The following NEO1 variants were observed in gnomAD, a reference collection of about 807,000 sequenced individuals.
NEO1 encodes neogenin 1.
NEO1 carries 63 observed loss-of-function variants against 159.7 expected under a neutral mutation model. That is an observed-to-expected ratio of 0.39 (90% confidence interval 0.32 to 0.49). The LOEUF is 0.49. Ranked by LOEUF, NEO1 falls within the 20% of genes least tolerant of loss-of-function variation. The pLI is 0.85. For missense variants in NEO1, 1,615 were observed against 1,831.0 expected, an observed-to-expected ratio of 0.88 and a Z score of 2.15; for synonymous variants, 633 against 662.0, an observed-to-expected ratio of 0.96 and a Z score of 0.67.
intron 1 of NEO1, 55 bp from the exon 2 acceptor site, chr15:73,116,485 A>G: frequency 7.0e-7 from 1 of 1,434,128 alleles, no homozygotes; most frequent in Non-Finnish European, 9.2e-7. Context: ...ATATTTTCTG[A>G]CAAATAATAG....
At chr15:73,082,335 T>C (rs1436327927) in intron 1 of NEO1, among the ~76,000 whole-genome samples, 1 of 152,232 alleles carries the variant, frequency 6.6e-6, no homozygotes, top group Non-Finnish European at 1.5e-5. Context: ...AAATTTTGAC[T>C]GATGTGTTTC....
At chr15:73,132,165 C>G (rs1237618471) in intron 4 of NEO1, among the ~76,000 whole-genome samples, 2 of 152,218 alleles carry the variant, frequency 1.3e-5, no homozygotes, top group Non-Finnish European at 2.9e-5. Context: ...CACATATAGA[C>G]AAACCAATTA....
At chr15:73,214,822 G>T (rs925687228) in intron 7 of NEO1, among the ~76,000 whole-genome samples, 2 of 152,074 alleles carry the variant, frequency 1.3e-5, no homozygotes, top group African/African-American at 2.4e-5. Context: ...AAGAATGATG[G>T]TGGCATTTTG....
At chr15:73,111,526 A>T (rs1018644430) in intron 1 of NEO1, among the ~76,000 whole-genome samples, 1 of 152,206 alleles carries the variant, frequency 6.6e-6, no homozygotes, top group Non-Finnish European at 1.5e-5. Flanking sequence ...CCATTTAAAA[A>T]ATGTTTTTCT....
chr15:73,106,057 T>C (rs2070674775), intron 1 of NEO1, among the ~76,000 whole-genome samples: 1 of 152,192 alleles, frequency 6.6e-6, no homozygotes, highest in South Asian at 2.1e-4. Context: ...CCTTTCTAAA[T>C]AGACATTTCT....
rs182023581 is a variant in NEO1 at position 73,149,087 on chromosome 15, C to T, written c.1015+13060C>T. Among the ~76,000 whole-genome samples, 147 of 151,902 alleles carry T rather than the reference C, an allele frequency of 9.7e-4. 1 individual carries two copies. The highest frequency in any genetic ancestry group is 2.7e-3 in the African/African-American group (110 of 41,402). The stretch of plus-strand genomic sequence containing the variant: ...ATCTCAGCACTTTGCAAGGCCGAGG[C>T]GAGTGGATCACGAGGTCAAGAGATT... On this transcript the variant is annotated intron_variant, in intron 5 of 28. Coordinates refer to ENST00000261908, the MANE Select transcript of NEO1 (RefSeq NM_002499.4).
intron 7 of NEO1, among the ~76,000 whole-genome samples, chr15:73,212,151 A>T (rs755585175): frequency 4.6e-5 from 7 of 152,166 alleles, no homozygotes. Context: ...CTGAGCCCAG[A>T]GCCTCTCTGA....
At chr15:73,291,766 AT>A (rs1047894759) in intron 25 of NEO1, among the ~76,000 whole-genome samples, 1 of 151,550 alleles carries the variant, frequency 6.6e-6, no homozygotes, top group Non-Finnish European at 1.5e-5. Flanking sequence ...ACACTGCTTT[AT>A]TTTTTTTTAT....
At chr15:73,256,151 C>G (rs1202903512) in intron 13 of NEO1, 2 of 152,232 alleles carry the variant, frequency 1.3e-5, no homozygotes, top group Non-Finnish European at 2.9e-5. Context: ...CACCCACTTT[C>G]CTGTGACCCC....
intron 1 of NEO1, among the ~76,000 whole-genome samples, chr15:73,077,788 C>T (rs777584448): frequency 6.6e-6 from 1 of 152,156 alleles, no homozygotes; most frequent in Non-Finnish European, 1.5e-5. Flanking sequence ...GTGATATATG[C>T]TGTAAAAGGG....
chr15:73,299,505 C>T (rs1253967394), intron 27 of NEO1, among the ~76,000 whole-genome samples: 1 of 151,974 alleles, frequency 6.6e-6, no homozygotes, highest in Admixed American at 6.6e-5. Context: ...CCTGCCTTAG[C>T]CTCCCAAGCA....
At chr15:73,269,499 C>G (rs2151029360) in intron 16 of NEO1, among the ~76,000 whole-genome samples, 1 of 152,004 alleles carries the variant, frequency 6.6e-6, no homozygotes, top group Admixed American at 6.6e-5. Flanking sequence ...TAGCTGGGAC[C>G]CCAGGCACCT....
chr15:73,206,213 CTT>C (rs1567478362), intron 7 of NEO1, among the ~76,000 whole-genome samples: 1 of 151,916 alleles, frequency 6.6e-6, no homozygotes, highest in South Asian at 2.1e-4. Context: ...GGCCTGTAAA[CTT>C]TTTTTTATAA....
chr15:73,171,019 G>A (rs1057411602), intron 5 of NEO1, among the ~76,000 whole-genome samples: 2 of 151,224 alleles, frequency 1.3e-5, no homozygotes, highest in Admixed American at 6.6e-5. Context: ...AAAAAAACTA[G>A]CCTGACTCCA....
intron 5 of NEO1, among the ~76,000 whole-genome samples, chr15:73,144,864 T>G (rs960466621): frequency 1.3e-5 from 2 of 152,228 alleles, no homozygotes; most frequent in African/African-American, 4.8e-5. Context: ...CATTCTTGAT[T>G]ATTTCAATCT....
intron 7 of NEO1, among the ~76,000 whole-genome samples, chr15:73,233,110 A>G (rs1164347369): frequency 6.6e-6 from 1 of 152,126 alleles, no homozygotes; most frequent in Non-Finnish European, 1.5e-5. Flanking sequence ...CTTGCCATTG[A>G]TGCTAGTGTA....
chr15:73,225,976 C>G (rs1048312569), intron 7 of NEO1, among the ~76,000 whole-genome samples: 1 of 152,162 alleles, frequency 6.6e-6, no homozygotes, highest in Admixed American at 6.5e-5. Flanking sequence ...CTCGCTGCTT[C>G]CTCTACCCCT....
intron 14 of NEO1, 43 bp downstream of exon 14, chr15:73,258,919 G>A (rs746288167): frequency 7.9e-6 from 12 of 1,523,398 alleles, no homozygotes; most frequent in Non-Finnish European, 8.2e-6. Flanking sequence ...ATAGATACTA[G>A]CTGTAGTCAA....
At chr15:73,178,543 G>C in intron 7 of NEO1, 116 bp downstream of exon 7, 1 of 1,089,016 alleles carries the variant, frequency 9.2e-7, no homozygotes, top group Non-Finnish European at 1.3e-6. Flanking sequence ...ATGTGGCATA[G>C]CTAAGAGAAA....
Sources: gnomAD v4.1 joint callset for allele counts (sites outside exome capture counted in the v4.1 genomes callset) on GRCh38, gnomAD v4.1.1 for gene constraint, MANE v1.5 for transcripts, NCBI Gene and HGNC (gene_info 2026-07-23, HGNC 2026-07-21) for gene names.